The following SLCO3A1 variants were observed in gnomAD, a reference collection of about 807,000 sequenced individuals.
SLCO3A1 encodes the protein solute carrier organic anion transporter family member 3A1.
In SLCO3A1, 27 loss-of-function variants were observed where a neutral mutation model predicts 63.1. The observed-to-expected ratio is 0.43, with a 90% CI of 0.32 to 0.59. The LOEUF (loss-of-function observed/expected upper bound fraction) is 0.59. SLCO3A1 is among the 20% of genes least tolerant of loss of function. The probability of loss-of-function intolerance (pLI) is 0.09; values close to 1 mark genes in which losing one functional copy is unlikely to be tolerated. For missense variants in SLCO3A1, 773 were observed against 945.8 expected (o/e 0.82, Z 2.40); for synonymous variants, 473 against 409.9 (o/e 1.15, Z -1.86).
chr15:92,088,004 G>A (rs2047427088), intron 2 of SLCO3A1, among the ~76,000 whole-genome samples: 1 of 152,170 alleles, frequency 6.6e-6, no homozygotes, highest in African/African-American at 2.4e-5. Context: ...CATCGAGTGG[G>A]AGAGTCCACA....
chr15:91,985,673 TG>T (rs1388162339), intron 2 of SLCO3A1, among the ~76,000 whole-genome samples: 5 of 152,280 alleles, frequency 3.3e-5, no homozygotes, highest in African/African-American at 1.2e-4. Flanking sequence ...CGTCAGACAA[TG>T]GGGTCCCTCA....
chr15:92,097,178 G>A (rs1453745449), intron 3 of SLCO3A1, among the ~76,000 whole-genome samples: 1 of 152,214 alleles, frequency 6.6e-6, no homozygotes, highest in African/African-American at 2.4e-5. Context: ...GAATATCTGA[G>A]CTGGAAAGAG....
At chr15:91,980,939 C>A (rs2045976456) in intron 2 of SLCO3A1, among the ~76,000 whole-genome samples, 1 of 152,204 alleles carries the variant, frequency 6.6e-6, no homozygotes, top group South Asian at 2.1e-4. Flanking sequence ...ACTGGCATGA[C>A]CCTTTATAGA....
Position 92,068,350 on chromosome 15 carries a change from TG to T in SLCO3A1, c.647-26530del, listed in dbSNP as rs1438482266. ...CCCACCTTACTCCCACTTTCAGAGA[TG>T]AATCAGATGGTTTACTCTGTTCTAC... On this transcript the variant is annotated intron_variant, in intron 2 of 9. Coordinates refer to ENST00000318445, the MANE Select transcript of SLCO3A1 (RefSeq NM_013272.4). Among the ~76,000 whole-genome samples the T allele has an allele frequency of 2.2e-5, 3 of 137,636 alleles. No individual in the cohort carries two copies. The Admixed American group carries it at 2.4e-4, about 11-fold the overall frequency. 90.3% of individuals were successfully genotyped at this position (137,636 alleles called of 152,430 possible).
At chr15:91,952,074 T>C (rs890764012) in intron 2 of SLCO3A1, among the ~76,000 whole-genome samples, 8 of 152,228 alleles carry the variant, frequency 5.3e-5, no homozygotes, top group African/African-American at 1.9e-4. Flanking sequence ...GGCATGCTAA[T>C]GGGTATGAAG....
At chr15:91,908,049 C>G (rs144042743) in intron 1 of SLCO3A1, among the ~76,000 whole-genome samples, 2 of 152,288 alleles carry the variant, frequency 1.3e-5, no homozygotes, top group East Asian at 1.9e-4. Flanking sequence ...GAGCCTTTCT[C>G]TCCCTCATTT....
At chr15:92,020,752 G>A (rs905487455) in intron 2 of SLCO3A1, among the ~76,000 whole-genome samples, 3 of 152,222 alleles carry the variant, frequency 2.0e-5, no homozygotes, top group African/African-American at 7.2e-5. Context: ...GAAGAGACCT[G>A]TTTCCATAGC....
At chr15:92,003,225 T>C (rs117595488) in intron 2 of SLCO3A1, among the ~76,000 whole-genome samples, 1 of 152,304 alleles carries the variant, frequency 6.6e-6, no homozygotes, top group Non-Finnish European at 1.5e-5. Context: ...GTGCTGAGCA[T>C]AGTATACGTG....
In SLCO3A1 at chr15:91,853,834, C is replaced by T. The variant is rs1483180276; in HGVS notation, c.-75C>T. 3 of 1,195,072 alleles carry T rather than the reference C, an allele frequency of 2.5e-6. No homozygotes were observed. Among genetic ancestry groups the T allele is most frequent in the East Asian group, 3.9e-5 (1 of 25,612 alleles). The allele number at this position is 1,195,072 out of a possible 1,614,324, so 74.0% of individuals were successfully genotyped here. On this transcript the variant is annotated 5_prime_UTR_variant, in exon 1 of 10. Transcript: ENST00000318445. ...CGCAGCCTCGAGGCGCGCACCCCCG[C>T]CCGGCAGCGGCCCCGACACCCGGGG...
chr15:92,169,363 C>T (rs1377113438), downstream of SLCO3A1, among the ~76,000 whole-genome samples: 2 of 152,190 alleles, frequency 1.3e-5, no homozygotes, highest in African/African-American at 4.8e-5. Flanking sequence ...AGGTAAGACA[C>T]GAGGGACCTC....
rs1171385729 is a variant in SLCO3A1, at chr15:92,016,238, TAGATAGATAGATAGATTAGATAGA to T, written c.647-78642_647-78619del. Among the ~76,000 whole-genome samples, 303 of 59,200 alleles carry T rather than the reference TAGATAGATAGATAGATTAGATAGA, an allele frequency of 5.1e-3. 2 individuals are homozygous for T. The highest frequency in any genetic ancestry group is 0.03 in the African/African-American group (291 of 9,862). The allele number at this position is 59,200 out of a possible 152,430, so 38.8% of individuals were successfully genotyped here. ...ATAGATAGATAGATAGATAGATAGA[TAGATAGATAGATAGATTAGATAGA>T]TAGATAGATAGATAGATAGATGTTA... On this transcript the variant is annotated intron_variant, in intron 2 of 9. Transcript: ENST00000318445.
chr15:91,906,392 G>T (rs1898309178), intron 1 of SLCO3A1, among the ~76,000 whole-genome samples: 1 of 152,190 alleles, frequency 6.6e-6, no homozygotes, highest in African/African-American at 2.4e-5. Flanking sequence ...GATACTGTGA[G>T]CTGGTTGAGG....
At position 92,162,985 on chromosome 15, in the gene SLCO3A1, C is replaced by G; in HGVS notation, c.1983C>G (p.Gly661=). The G allele has an allele frequency of 1.2e-6, 2 of 1,613,586 alleles. No homozygotes were observed. Among genetic ancestry groups the G allele is most frequent in the Non-Finnish European group, 1.7e-6 (2 of 1,179,720 alleles). The change falls in exon 10 of 10, where the codon GGC becomes GGG. Residue 661 remains glycine (G), a synonymous_variant. Transcript: ENST00000318445. ...NYKRYIKNHE[G]GLSTSEFFAS... ...AACGCTACATCAAAAACCACGAGGG[C>G]GGGCTGAGCACCAGTGAGTTCTTTG...
At chr15:91,874,062 G>GTATATGCTATA (rs1189615588) in intron 1 of SLCO3A1, among the ~76,000 whole-genome samples, 1 of 151,996 alleles carries the variant, frequency 6.6e-6, no homozygotes, top group African/African-American at 2.4e-5. Context: ...ACCTTGGATA[G>GTATATGCTATA]TACTAAATGC....
At chr15:91,937,556 A>C (rs1234113227) in intron 2 of SLCO3A1, among the ~76,000 whole-genome samples, 1 of 152,068 alleles carries the variant, frequency 6.6e-6, no homozygotes, top group Non-Finnish European at 1.5e-5. Context: ...CATCTCTACT[A>C]AAAATACAAA....
At chr15:91,874,644 A>G (rs753663850) in intron 1 of SLCO3A1, among the ~76,000 whole-genome samples, 7 of 152,198 alleles carry the variant, frequency 4.6e-5, no homozygotes, top group Non-Finnish European at 8.8e-5. Flanking sequence ...TCGTCTGTCG[A>G]TGGACACTTC....
chr15:91,959,337 C>T lies in SLCO3A1; in HGVS notation c.646+42879C>T, dbSNP rs111410541. On this transcript the variant is annotated intron_variant, in intron 2 of 9. Transcript: ENST00000318445. ...ACATATTGGTACAGTGAACACTGCT[C>T]GGGTGATGGGTGCACCAAAATCTCA... Among the ~76,000 whole-genome samples the T allele has an allele frequency of 7.4e-3, 1,119 of 152,004 alleles. 14 individuals are homozygous for T. The highest frequency in any genetic ancestry group is 0.026 in the African/African-American group (1,092 of 41,442).
At chr15:91,939,553 A>C (rs1198742085) in intron 2 of SLCO3A1, among the ~76,000 whole-genome samples, 1 of 152,130 alleles carries the variant, frequency 6.6e-6, no homozygotes, top group Non-Finnish European at 1.5e-5. Context: ...AGGTGGGCAG[A>C]TGCTCAGCCA....
intron 8 of SLCO3A1, among the ~76,000 whole-genome samples, chr15:92,147,771 G>A (rs553914564): frequency 3.9e-5 from 6 of 152,312 alleles, no homozygotes; most frequent in Admixed American, 2.6e-4. Flanking sequence ...CTGTCCTGGG[G>A]ATAGGTGAAG....
Sources: gnomAD v4.1 joint callset for allele counts (sites outside exome capture counted in the v4.1 genomes callset) on GRCh38, gnomAD v4.1.1 for gene constraint, MANE v1.5 for transcripts, NCBI Gene and HGNC (gene_info 2026-07-23, HGNC 2026-07-21) for gene names.